The following RUNDC3B variants were observed in gnomAD, a reference collection of about 807,000 sequenced individuals.
The protein encoded by RUNDC3B is RUN domain containing 3B.
In RUNDC3B, 33 loss-of-function variants were observed where a neutral mutation model predicts 58.4. The observed-to-expected ratio is 0.56, with a 90% confidence interval of 0.43 to 0.75. RUNDC3B has a LOEUF of 0.75. RUNDC3B is among the 30% of genes least tolerant of loss of function. The pLI is 0.00. For missense variants in RUNDC3B, 501 were observed against 535.7 expected (o/e 0.94, Z 0.64); for synonymous variants, 193 against 195.2 (o/e 0.99, Z 0.10).
At chr7:87,823,193 C>T (rs748483754) in intron 10 of RUNDC3B, among the ~76,000 whole-genome samples, 6 of 151,992 alleles carry the variant, frequency 3.9e-5, no homozygotes, top group Non-Finnish European at 7.4e-5. Context: ...GTTATGCAAA[C>T]CTCTGGCCTT....
In RUNDC3B at chr7:87,680,665, G is replaced by A. The variant is rs528574382; in HGVS notation, c.239-19756G>A. 4.3e-4 allele frequency among the ~76,000 whole-genome samples: 64 copies of A among 150,282 alleles called. 6 individuals are homozygous for A. The highest frequency in any genetic ancestry group is 1.6e-3 in the African/African-American group (63 of 40,508). On this transcript the variant is annotated intron_variant, in intron 2 of 10. Transcript: ENST00000394654. ...AAAAATTAGCCAGGCATGGTGGTGT[G>A]TGCCTGTAATCCCAGCTACTTAGGA...
chr7:87,806,130 C>T (rs1836423197), intron 8 of RUNDC3B, among the ~76,000 whole-genome samples: 2 of 152,124 alleles, frequency 1.3e-5, no homozygotes, highest in South Asian at 4.1e-4. Flanking sequence ...GTATTCCATC[C>T]TGAGACAGAA....
At chr7:87,741,385 A>T (rs999131507) in intron 5 of RUNDC3B, 114 bp from the exon 6 acceptor site, 5 of 568,614 alleles carry the variant, frequency 8.8e-6, no homozygotes, top group African/African-American at 7.8e-5. Flanking sequence ...AAACAAAAAA[A>T]TTCGCTTGCC....
chr7:87,735,199 G>A (rs1487314253), intron 4 of RUNDC3B, among the ~76,000 whole-genome samples: 1 of 152,118 alleles, frequency 6.6e-6, no homozygotes, highest in East Asian at 1.9e-4. Context: ...AGTCATACCT[G>A]ATTCCTCTTT....
At chr7:87,723,153 A>AT (rs1224723410) in intron 4 of RUNDC3B, among the ~76,000 whole-genome samples, 1 of 152,206 alleles carries the variant, frequency 6.6e-6, no homozygotes, top group African/African-American at 2.4e-5. Flanking sequence ...AAATTAATGG[A>AT]TTTTTAACTA....
At chr7:87,786,504 C>T (rs755809781) in intron 8 of RUNDC3B, among the ~76,000 whole-genome samples, 2 of 151,376 alleles carry the variant, frequency 1.3e-5, no homozygotes, top group African/African-American at 2.4e-5. Context: ...TAACCCCTTG[C>T]TTCCATTAGC....
intron 4 of RUNDC3B, among the ~76,000 whole-genome samples, chr7:87,714,304 A>G (rs1830349431): frequency 6.6e-6 from 1 of 152,170 alleles, no homozygotes; most frequent in Non-Finnish European, 1.5e-5. Context: ...CCACGGTGCC[A>G]ACAATGCACT....
At chr7:87,672,209 G>A (rs960608237) in intron 2 of RUNDC3B, among the ~76,000 whole-genome samples, 6 of 152,206 alleles carry the variant, frequency 3.9e-5, no homozygotes, top group African/African-American at 1.4e-4. Context: ...CACTTGGGAG[G>A]TTCCACCCAT....
At chr7:87,637,167 G>T (rs1162532106) in intron 1 of RUNDC3B, among the ~76,000 whole-genome samples, 1 of 152,088 alleles carries the variant, frequency 6.6e-6, no homozygotes, top group Non-Finnish European at 1.5e-5. Flanking sequence ...TTTGGGTGGG[G>T]ACACAGCCAA....
At chr7:87,740,092 G>C (rs952226090) in intron 5 of RUNDC3B, among the ~76,000 whole-genome samples, 1 of 152,068 alleles carries the variant, frequency 6.6e-6, no homozygotes, top group Non-Finnish European at 1.5e-5. Flanking sequence ...TGATAGGCTT[G>C]CTCTGTAGCT....
chr7:87,811,761 T>C (rs988299179), intron 9 of RUNDC3B, among the ~76,000 whole-genome samples: 1 of 152,240 alleles, frequency 6.6e-6, no homozygotes, highest in Non-Finnish European at 1.5e-5. Flanking sequence ...CTTTTACAAC[T>C]TGTAAACTGG....
intron 4 of RUNDC3B, among the ~76,000 whole-genome samples, chr7:87,719,002 C>G (rs907338782): frequency 4.6e-5 from 7 of 152,052 alleles, no homozygotes; most frequent in African/African-American, 1.7e-4. Flanking sequence ...TAAAACAATT[C>G]AACAGTACAG....
intron 1 of RUNDC3B, among the ~76,000 whole-genome samples, chr7:87,642,075 C>T (rs1205901971): frequency 2.0e-5 from 3 of 151,814 alleles, no homozygotes; most frequent in Admixed American, 1.3e-4. Flanking sequence ...GCCTTCATCA[C>T]TAATAATGGA....
At chr7:87,815,297 T>C (rs1454580478) in intron 9 of RUNDC3B, among the ~76,000 whole-genome samples, 1 of 152,096 alleles carries the variant, frequency 6.6e-6, no homozygotes, top group Non-Finnish European at 1.5e-5. Flanking sequence ...TCTAGGAAAT[T>C]AGATGGTGTT....
At chr7:87,700,273 G>T in intron 2 of RUNDC3B, 148 bp from the exon 3 acceptor site, 1 of 598,990 alleles carries the variant, frequency 1.7e-6, no homozygotes, top group Non-Finnish European at 2.8e-6. Flanking sequence ...GACTAGATTT[G>T]AGGCTTTTTG....
chr7:87,829,272 AC>A (rs1187898690), intron 10 of RUNDC3B, among the ~76,000 whole-genome samples: 1 of 151,986 alleles, frequency 6.6e-6, no homozygotes, highest in Non-Finnish European at 1.5e-5. Context: ...TTGTCTGTTT[AC>A]CCTGTTGATA....
At chr7:87,751,649 A>G (rs1832994439) in intron 6 of RUNDC3B, among the ~76,000 whole-genome samples, 1 of 151,970 alleles carries the variant, frequency 6.6e-6, no homozygotes, top group African/African-American at 2.4e-5. Context: ...GCAATTGTGA[A>G]TGGGAGTTCA....
intron 2 of RUNDC3B, among the ~76,000 whole-genome samples, chr7:87,654,755 A>G (rs1018067618): frequency 1.2e-4 from 19 of 152,126 alleles, no homozygotes; most frequent in African/African-American, 4.3e-4. Flanking sequence ...TTACATCATC[A>G]GAGTAAAGAG....
Position 87,728,747 on chromosome 7 carries a change from G to A in RUNDC3B, c.459-11044G>A, listed in dbSNP as rs564151562. ...TTCAGTAGCATATTTACAAGTCAGG[G>A]CATGGATATATTTTAGAAGGCATTA... On this transcript the variant is annotated intron_variant, in intron 4 of 10. Transcript: ENST00000394654. Among the ~76,000 whole-genome samples, 14 of 152,246 alleles carry A rather than the reference G, an allele frequency of 9.2e-5. 1 individual carries two copies. Among genetic ancestry groups the A allele is most frequent in the African/African-American group, 3.1e-4 (13 of 41,558 alleles).
Sources: allele counts gnomAD v4.1 joint callset (sites outside exome capture counted in the v4.1 genomes callset), GRCh38; gene constraint gnomAD v4.1.1; transcripts MANE v1.5; gene names NCBI Gene and HGNC (gene_info 2026-07-23, HGNC 2026-07-21).